Variants in ERBB4 observed in about 807,000 individuals in gnomAD.
ERBB4 encodes the protein erb-b2 receptor tyrosine kinase 4, also known as receptor tyrosine-protein kinase erbB-4.
Under a neutral mutation model 158.0 loss-of-function variants are expected in ERBB4, and 42 were observed. The ratio of observed to expected loss-of-function variants is 0.27; its 90% CI spans 0.21 to 0.34. ERBB4 has a LOEUF of 0.34. ERBB4 is among the 10% of genes least tolerant of loss of function. ERBB4 has a pLI of 1.00. For missense variants in ERBB4, 1,333 were observed against 1,624.1 expected, an observed-to-expected ratio of 0.82 and a Z score of 3.08; for synonymous variants, 583 against 558.7, an observed-to-expected ratio of 1.04 and a Z score of -0.61.
At chr2:211,585,467 A>G (rs1316665661) in intron 19 of ERBB4, among the ~76,000 whole-genome samples, 1 of 152,132 alleles carries the variant, frequency 6.6e-6, no homozygotes, top group African/African-American at 2.4e-5. Flanking sequence ...TTAAATTGAC[A>G]TTAATTCATT....
rs538408664 is a variant in ERBB4, at chr2:211,636,179, G to C, written c.1947-5585C>G. On this transcript the variant is annotated intron_variant, in intron 16 of 27. Coordinates refer to ENST00000342788, the MANE Select transcript of ERBB4 (RefSeq NM_005235.3). ...CAGGCTAGTCAGATAAATTTAACAGGGATTTTTTTTTGTAAAATAAACTTT... is the reference window on the plus strand; with the variant it reads ...CAGGCTAGTCAGATAAATTTAACAGCGATTTTTTTTTGTAAAATAAACTTT... Among the ~76,000 whole-genome samples, 4 of 151,874 alleles carry C rather than the reference G, an allele frequency of 2.6e-5. No homozygotes were observed. The East Asian group carries it at 7.7e-4, about 29-fold the overall frequency.
chr2:211,904,214 CA>C (rs2079314144), intron 3 of ERBB4, among the ~76,000 whole-genome samples: 1 of 152,098 alleles, frequency 6.6e-6, no homozygotes, highest in South Asian at 2.1e-4. Context: ...CACATTCACA[CA>C]TAAACATGCA....
intron 2 of ERBB4, among the ~76,000 whole-genome samples, chr2:212,122,155 C>A (rs1248994493): frequency 1.3e-5 from 2 of 151,484 alleles, no homozygotes; most frequent in Non-Finnish European, 2.9e-5. Flanking sequence ...GATACACAAA[C>A]ACATATATGT....
chr2:212,241,086 A>T (rs974349597), intron 1 of ERBB4, among the ~76,000 whole-genome samples: 1 of 152,124 alleles, frequency 6.6e-6, no homozygotes, highest in African/African-American at 2.4e-5. Context: ...ATTTCCAAGT[A>T]ATTAATAAAA....
intron 1 of ERBB4, among the ~76,000 whole-genome samples, chr2:212,180,690 T>A (rs139412362): frequency 6.6e-6 from 1 of 151,842 alleles, no homozygotes; most frequent in African/African-American, 2.4e-5. Flanking sequence ...ATTTCTCAAC[T>A]CAGTATTCAA....
intron 15 of ERBB4, among the ~76,000 whole-genome samples, chr2:211,658,821 A>G (rs2071315103): frequency 6.6e-6 from 1 of 152,162 alleles, no homozygotes; most frequent in Non-Finnish European, 1.5e-5. Context: ...CAGAATTCTA[A>G]TGTGCAGTCC....
At chr2:211,889,876 G>A (rs1442840722) in intron 3 of ERBB4, among the ~76,000 whole-genome samples, 1 of 149,352 alleles carries the variant, frequency 6.7e-6, no homozygotes, top group African/African-American at 2.5e-5. Context: ...AAAGAAATGA[G>A]CAAAGCCTCC....
chr2:212,234,081 C>T (rs369597432), intron 1 of ERBB4, among the ~76,000 whole-genome samples: 3 of 151,848 alleles, frequency 2.0e-5, no homozygotes, highest in African/African-American at 7.3e-5. Context: ...TTGCTGCACT[C>T]ATCAACCCAT....
Position 211,636,850 on chromosome 2 carries a change from A to G in ERBB4, c.1947-6256T>C, listed in dbSNP as rs561460575. Among the ~76,000 whole-genome samples the G allele has an allele frequency of 1.8e-3, 268 of 152,172 alleles. 1 individual carries two copies. The highest frequency in any genetic ancestry group is 6.1e-3 in the African/African-American group (253 of 41,576). On this transcript the variant is annotated intron_variant, in intron 16 of 27. Transcript: ENST00000342788. Reference sequence around the variant, plus strand: ...ATTTTTAGTAGATTATTTCCCATCAAAAATAAATGCATTGCTAATGACACT... The same window carrying G: ...ATTTTTAGTAGATTATTTCCCATCAGAAATAAATGCATTGCTAATGACACT...
intron 16 of ERBB4, among the ~76,000 whole-genome samples, chr2:211,656,299 C>T (rs574187561): frequency 4.6e-4 from 69 of 151,000 alleles, no homozygotes; most frequent in African/African-American, 1.2e-3. Flanking sequence ...ACACTATATA[C>T]GCTTCAATAC....
chr2:211,621,467 C>T (rs1315621268), intron 18 of ERBB4, among the ~76,000 whole-genome samples: 4 of 152,096 alleles, frequency 2.6e-5, no homozygotes, highest in African/African-American at 9.7e-5. Context: ...CAACCATAGA[C>T]ACTTTCATTA....
At chr2:212,308,034 C>A (rs2086877787) in intron 1 of ERBB4, among the ~76,000 whole-genome samples, 1 of 150,720 alleles carries the variant, frequency 6.6e-6, no homozygotes, top group Non-Finnish European at 1.5e-5. Context: ...TCTATCTCTA[C>A]CTTAATTCTC....
intron 1 of ERBB4, among the ~76,000 whole-genome samples, chr2:212,391,574 T>C (rs1258183123): frequency 6.8e-6 from 1 of 146,166 alleles, no homozygotes; most frequent in Non-Finnish European, 1.5e-5. Flanking sequence ...TATAAAATTA[T>C]GGATTCTTCA....
At chr2:212,516,129 C>T (rs1478502604) in intron 1 of ERBB4, among the ~76,000 whole-genome samples, 4 of 151,812 alleles carry the variant, frequency 2.6e-5, no homozygotes, top group Admixed American at 2.0e-4. Context: ...GTACTATAGA[C>T]ACACACACAG....
At chr2:212,019,201 C>A (rs571656877) in intron 2 of ERBB4, among the ~76,000 whole-genome samples, 1 of 152,264 alleles carries the variant, frequency 6.6e-6, no homozygotes, top group African/African-American at 2.4e-5. Context: ...AATGCAATTT[C>A]TTTCAGGAAG....
At chr2:211,774,513 C>A (rs2075823985) in intron 4 of ERBB4, among the ~76,000 whole-genome samples, 1 of 152,126 alleles carries the variant, frequency 6.6e-6, no homozygotes, top group Non-Finnish European at 1.5e-5. Context: ...AGGTCAATTT[C>A]ACTGGTTAAA....
intron 3 of ERBB4, among the ~76,000 whole-genome samples, chr2:211,912,591 G>A (rs2125058260): frequency 6.6e-6 from 1 of 152,148 alleles, no homozygotes; most frequent in African/African-American, 2.4e-5. Context: ...TAACTCTCAG[G>A]TTTGTATTGA....
At chr2:212,368,425 G>T (rs2089967952) in intron 1 of ERBB4, among the ~76,000 whole-genome samples, 1 of 152,070 alleles carries the variant, frequency 6.6e-6, no homozygotes, top group African/African-American at 2.4e-5. Flanking sequence ...GGGATTTGAG[G>T]GGAAGAGTGA....
At chr2:211,723,991 T>C (rs183302520) in intron 6 of ERBB4, among the ~76,000 whole-genome samples, 1 of 152,304 alleles carries the variant, frequency 6.6e-6, no homozygotes, top group East Asian at 1.9e-4. Context: ...AAAAACTGCA[T>C]GCAAAACTTC....
Sources: allele counts gnomAD v4.1 joint callset (sites outside exome capture counted in the v4.1 genomes callset), GRCh38; gene constraint gnomAD v4.1.1; transcripts MANE v1.5; gene names NCBI Gene and HGNC (gene_info 2026-07-23, HGNC 2026-07-21).